The following DOCK8 variants were observed in gnomAD, a reference collection of about 807,000 sequenced individuals.
DOCK8 encodes the protein dedicator of cytokinesis protein 8.
In DOCK8, 141 loss-of-function variants were observed where a neutral mutation model predicts 245.6. The observed-to-expected ratio is 0.57, with a 90% CI of 0.50 to 0.66. The LOEUF is 0.66. Among genes scored for constraint, DOCK8 ranks in the 30% least tolerant of loss-of-function variants. DOCK8 has a pLI of 0.00. For synonymous variants in DOCK8, 1,168 were observed against 970.2 expected, an observed-to-expected ratio of 1.20 and a Z score of -3.79; for missense variants, 2,965 against 2,603.4, an observed-to-expected ratio of 1.14 and a Z score of -3.02.
rs1334930781 is a variant in DOCK8, at chr9:347,609, T to C, written c.1679+7288T>C. 2.6e-5 allele frequency among the ~76,000 whole-genome samples: 4 copies of C among 152,338 alleles called. No individual in the cohort carries two copies. The South Asian group carries it at 8.3e-4, about 32-fold the overall frequency. ...CAGTCGCTTATGGAACAGAAGCTTT[T>C]ATAAACAAACCATGTAGTTAGGAAG... On this transcript the variant is annotated intron_variant, in intron 14 of 47. Transcript: ENST00000432829.
At chr9:404,308 T>A (rs752544921) in intron 26 of DOCK8, among the ~76,000 whole-genome samples, 1 of 152,070 alleles carries the variant, frequency 6.6e-6, no homozygotes, top group Non-Finnish European at 1.5e-5. Context: ...AGATTTTTCC[T>A]AAAAACTCTT....
chr9:256,367 G>A (rs1456626486), intron 1 of DOCK8, among the ~76,000 whole-genome samples: 3 of 152,180 alleles, frequency 2.0e-5, no homozygotes, highest in African/African-American at 4.8e-5. Context: ...TGGTTCTTAG[G>A]TCGGAACAGG....
chr9:406,410 C>T (rs2055417638), intron 27 of DOCK8, among the ~76,000 whole-genome samples: 1 of 151,328 alleles, frequency 6.6e-6, no homozygotes, highest in African/African-American at 2.4e-5. Context: ...TTGCTTGAAC[C>T]CGGGAGAGGG....
At position 418,222 on chromosome 9, in the gene DOCK8, A is replaced by T. The variant is rs200646569; in HGVS notation, c.3840+15A>T. The T allele has an allele frequency of 1.9e-6, 3 of 1,613,992 alleles. No individual in the cohort carries two copies. Among genetic ancestry groups the T allele is most frequent in the Middle Eastern group, 3.3e-4 (2 of 6,036 alleles). ...TGTCTTCCTTGGTATGTTGGTGCAC[A>T]TGTGTCTGGTTGATTTTTCATTTCA... is the stretch of plus-strand genomic sequence containing the variant. On this transcript the variant is annotated intron_variant, in intron 30 of 47. Transcript: ENST00000432829.
chr9:312,249 A>G (rs777333905), intron 6 of DOCK8, 83 bp downstream of exon 6: 41 of 1,492,044 alleles, frequency 2.7e-5, no homozygotes, highest in Non-Finnish European at 3.5e-5. Flanking sequence ...CATTATTACT[A>G]TATAGCAGCC....
At chr9:358,899 A>G (rs2131090709) in intron 14 of DOCK8, among the ~76,000 whole-genome samples, 1 of 152,350 alleles carries the variant, frequency 6.6e-6, no homozygotes, top group East Asian at 1.9e-4. Flanking sequence ...TGAGCTGCCT[A>G]GCAGCCAAGC....
At chr9:440,344 C>T (rs1353669820) in intron 40 of DOCK8, among the ~76,000 whole-genome samples, 1 of 152,164 alleles carries the variant, frequency 6.6e-6, no homozygotes, top group African/African-American at 2.4e-5. Context: ...TAATCTCCCT[C>T]CTCCTTTACA....
chr9:276,251 A>G (rs1586571333), intron 2 of DOCK8, among the ~76,000 whole-genome samples: 1 of 152,332 alleles, frequency 6.6e-6, no homozygotes, highest in South Asian at 2.1e-4. Flanking sequence ...AAAGAAAGGT[A>G]ACACTTATTT....
chr9:451,892 TGCATATACATATAC>T lies in DOCK8; in HGVS notation c.5962-118_5962-105del, dbSNP rs1292907636. 2.3e-4 allele frequency: 10 copies of T among 43,242 alleles called. 1 individual carries two copies. Among genetic ancestry groups the T allele is most frequent in the South Asian group, 1.2e-3 (2 of 1,672 alleles). 2.7% of individuals were successfully genotyped at this position (43,242 alleles called of 1,614,324 possible). A position where few individuals can be genotyped will look rare whatever the true frequency, so the allele number is the denominator to read the frequency against. ...GTGTGTATATATATATACATATATA[TGCATATACATATAC>T]ATATGCATATACATATATATGTATG... On this transcript the variant is annotated intron_variant, in intron 45 of 47. Coordinates refer to ENST00000432829, the MANE Select transcript of DOCK8 (RefSeq NM_203447.4).
chr9:327,780 G>A (rs560403959), intron 8 of DOCK8, among the ~76,000 whole-genome samples: 3 of 152,144 alleles, frequency 2.0e-5, no homozygotes, highest in South Asian at 2.1e-4. Context: ...AGGAAATACC[G>A]GTGGGTTAAT....
chr9:337,033 G>A (rs2051344103), intron 12 of DOCK8, among the ~76,000 whole-genome samples: 1 of 152,024 alleles, frequency 6.6e-6, no homozygotes, highest in African/African-American at 2.4e-5. Flanking sequence ...GCTAGCTCAG[G>A]TCTCTCTTCC....
At chr9:287,851 T>C (rs994843754) in intron 3 of DOCK8, among the ~76,000 whole-genome samples, 2 of 152,172 alleles carry the variant, frequency 1.3e-5, no homozygotes, top group African/African-American at 4.8e-5. Context: ...TTTCCAAATA[T>C]GGTCAGAATC....
chr9:342,187 G>T (rs1157946853), intron 14 of DOCK8, among the ~76,000 whole-genome samples: 2 of 151,808 alleles, frequency 1.3e-5, no homozygotes, highest in East Asian at 3.9e-4. Context: ...TGGAAAAATT[G>T]TCTTCCATGA....
chr9:283,409 T>G (rs2048674421), intron 2 of DOCK8, among the ~76,000 whole-genome samples: 1 of 152,206 alleles, frequency 6.6e-6, no homozygotes, highest in South Asian at 2.1e-4. Context: ...CTTTTTTTTA[T>G]TTGTATAAGT....
At chr9:291,158 A>T (rs1419269878) in intron 4 of DOCK8, among the ~76,000 whole-genome samples, 1 of 152,250 alleles carries the variant, frequency 6.6e-6, no homozygotes, top group Admixed American at 6.5e-5. Flanking sequence ...CTGAGAAGGA[A>T]CAAATAGAAA....
At chr9:429,156 A>G (rs1424335543) in intron 35 of DOCK8, among the ~76,000 whole-genome samples, 1 of 152,072 alleles carries the variant, frequency 6.6e-6, no homozygotes, top group African/African-American at 2.4e-5. Flanking sequence ...TAGTAGAGAC[A>G]GGGTTTCACC....
At chr9:342,297 CTTTTTTT>C (rs34071975) in intron 14 of DOCK8, among the ~76,000 whole-genome samples, 43 of 124,424 alleles carry the variant, frequency 3.5e-4, no homozygotes, top group Admixed American at 1.1e-3. Flanking sequence ...TTTCTTTTTT[CTTTTTTT>C]TTTTTTTTTT....
intron 14 of DOCK8, among the ~76,000 whole-genome samples, chr9:342,043 A>G (rs772891351): frequency 6.6e-6 from 1 of 152,154 alleles, no homozygotes; most frequent in Non-Finnish European, 1.5e-5. Flanking sequence ...TACTGATTCT[A>G]TATTATTGTG....
chr9:253,934 T>C (rs1010703740), intron 1 of DOCK8, among the ~76,000 whole-genome samples: 2 of 152,236 alleles, frequency 1.3e-5, no homozygotes, highest in Non-Finnish European at 2.9e-5. Context: ...GATTTTGAGA[T>C]GTGTTCAAAT....
Sources: gnomAD v4.1 joint callset for allele counts (sites outside exome capture counted in the v4.1 genomes callset) on GRCh38, gnomAD v4.1.1 for gene constraint, MANE v1.5 for transcripts, NCBI Gene and HGNC (gene_info 2026-07-23, HGNC 2026-07-21) for gene names.